ACAT2: variants seen among roughly 807,000 people sequenced by gnomAD.
ACAT2 encodes the protein acetyl-CoA acetyltransferase 2, also known as acetyl-CoA acetyltransferase, cytosolic.
In ACAT2, 26 loss-of-function variants were observed where a neutral mutation model predicts 37.1. The observed-to-expected ratio is 0.70, with a 90% confidence interval of 0.51 to 0.97. The LOEUF (loss-of-function observed/expected upper bound fraction) is 0.97, where lower values mean the gene tolerates loss of function less well. ACAT2 is among the 50% of genes least tolerant of loss of function. ACAT2 has a pLI of 0.00. For missense variants in ACAT2, 468 were observed against 489.0 expected (o/e 0.96, Z 0.40); for synonymous variants, 156 against 163.6 (o/e 0.95, Z 0.35).
At chr6:159,771,706 G>T in intron 4 of ACAT2, among the ~76,000 whole-genome samples, 1 of 151,076 alleles carries the variant, frequency 6.6e-6, no homozygotes, top group Non-Finnish European at 1.5e-5. Flanking sequence ...GAAGGAAAAT[G>T]AATTGCCTGC....
At chr6:159,763,764 C>T (rs1399197760) in intron 2 of ACAT2, among the ~76,000 whole-genome samples, 11 of 148,008 alleles carry the variant, frequency 7.4e-5, no homozygotes, top group Non-Finnish European at 1.3e-4. Context: ...CTCAGCCTCC[C>T]GAGTAGCTGG....
chr6:159,777,928 G>T (rs1365360413), intron 7 of ACAT2, among the ~76,000 whole-genome samples: 2 of 152,062 alleles, frequency 1.3e-5, no homozygotes, highest in Admixed American at 6.5e-5. Context: ...GATGCTACTG[G>T]TTCAAAATTT....
chr6:159,775,461 G>A (rs1172730195), intron 5 of ACAT2, 148 bp downstream of exon 5: 2 of 930,772 alleles, frequency 2.1e-6, no homozygotes, highest in African/African-American at 3.3e-5. Flanking sequence ...AATGTGGGGA[G>A]GGGGTATGCT....
intron 2 of ACAT2, 35 bp downstream of exon 2, chr6:159,763,088 A>T (rs778314625): frequency 1.3e-6 from 2 of 1,592,142 alleles, no homozygotes; most frequent in African/African-American, 2.7e-5. Context: ...AGTCAGGCTT[A>T]TTAGAAACAG....
At chr6:159,764,369 A>G (rs1780220104) in intron 2 of ACAT2, among the ~76,000 whole-genome samples, 1 of 152,156 alleles carries the variant, frequency 6.6e-6, no homozygotes, top group Non-Finnish European at 1.5e-5. Flanking sequence ...AGAGGAATAT[A>G]GCTGAGTCCT....
At chr6:159,778,505 TCA>T (rs1269491016) in intron 8 of ACAT2, 152 bp from the exon 9 acceptor site, 4 of 873,552 alleles carry the variant, frequency 4.6e-6, no homozygotes, top group Non-Finnish European at 1.7e-6. Context: ...GGATGAATTT[TCA>T]CAAAGGTGTA....
chr6:159,776,726 T>C (rs1780421836), intron 6 of ACAT2, among the ~76,000 whole-genome samples: 1 of 152,220 alleles, frequency 6.6e-6, no homozygotes, highest in African/African-American at 2.4e-5. Context: ...CAATACCTCC[T>C]TGTGAAGCCC....
Position 159,763,629 on chromosome 6 carries a change from CTTTTTTTTTTTTTT to C in ACAT2, c.190+591_190+604del, listed in dbSNP as rs765044833. On this transcript the variant is annotated intron_variant, in intron 2 of 8. Coordinates refer to ENST00000367048, the MANE Select transcript of ACAT2 (RefSeq NM_005891.3). Reference sequence around the variant, plus strand: ...ACCACCTACACTGCCTTTTCTTTTCCTTTTTTTTTTTTTTTTTTTTTTTTTTTTGAGACGGAGTC... The same window carrying C: ...ACCACCTACACTGCCTTTTCTTTTCCTTTTTTTTTTTTTTGAGACGGAGTC... Among the ~76,000 whole-genome samples, 57 of 76,382 alleles carry C rather than the reference CTTTTTTTTTTTTTT, an allele frequency of 7.5e-4. 1 individual carries two copies. The highest frequency in any genetic ancestry group is 3.4e-3 in the Admixed American group (17 of 5,068). 50.1% of individuals were successfully genotyped at this position (76,382 alleles called of 152,430 possible). A position where few individuals can be genotyped will look rare whatever the true frequency, so the allele number is the denominator to read the frequency against.
intron 1 of ACAT2, chr6:159,762,389 G>A: frequency 7.3e-7 from 1 of 1,377,074 alleles, no homozygotes; most frequent in Non-Finnish European, 9.5e-7. Context: ...CCGGGGTAGA[G>A]CCATCGCGTG....
chr6:159,773,755 T>C (rs1359547811), intron 4 of ACAT2, among the ~76,000 whole-genome samples: 1 of 152,132 alleles, frequency 6.6e-6, no homozygotes, highest in Non-Finnish European at 1.5e-5. Flanking sequence ...GTAATGAGAG[T>C]AATGAGTTAT....
intron 4 of ACAT2, among the ~76,000 whole-genome samples, chr6:159,774,125 A>T (rs1007655482): frequency 3.3e-5 from 5 of 152,242 alleles, no homozygotes; most frequent in African/African-American, 1.2e-4. Context: ...AATAAGACTC[A>T]CTGAGAAAAA....
In ACAT2 at chr6:159,775,320, A is replaced by G. The variant is rs778026115; in HGVS notation, c.634+7A>G. 2.5e-6 allele frequency: 4 copies of G among 1,613,850 alleles called. No individual in the cohort carries two copies. Among genetic ancestry groups the G allele is most frequent in the East Asian group, 4.5e-5 (2 of 44,890 alleles). The stretch of plus-strand genomic sequence containing the variant: ...TTGGTGTCAACTAGAAAAGGTGAGT[A>G]TATCATAGTGGTTTAAACATCAACC... On this transcript the variant is annotated splice_region_variant and intron_variant, in intron 5 of 8. Transcript: ENST00000367048.
At chr6:159,778,621 A>G in intron 8 of ACAT2, 38 bp from the exon 9 acceptor site, 1 of 1,603,388 alleles carries the variant, frequency 6.2e-7, no homozygotes, top group South Asian at 1.1e-5. Flanking sequence ...CTGTGTCCAC[A>G]GAAGAATAAA....
At chr6:159,777,513 G>A in intron 7 of ACAT2, 57 bp downstream of exon 7, 11 of 1,530,806 alleles carry the variant, frequency 7.2e-6, no homozygotes, top group Non-Finnish European at 7.1e-6. Flanking sequence ...CCTTAAGTGA[G>A]CTTATTCATG....
chr6:159,772,080 C>T (rs1382405860), intron 4 of ACAT2, among the ~76,000 whole-genome samples: 1 of 152,080 alleles, frequency 6.6e-6, no homozygotes, highest in African/African-American at 2.4e-5. Flanking sequence ...AAAAAATTAG[C>T]CAGGTGTTGC....
intron 2 of ACAT2, among the ~76,000 whole-genome samples, chr6:159,766,092 A>G (rs959967573): frequency 1.3e-5 from 2 of 152,226 alleles, no homozygotes; most frequent in African/African-American, 4.8e-5. Flanking sequence ...AACTAAAGGA[A>G]GTCCCATAGT....
chr6:159,776,225 A>T lies in ACAT2; in HGVS notation c.710A>T (p.Tyr237Phe), dbSNP rs1384343229. 1.9e-6 allele frequency: 3 copies of T among 1,614,172 alleles called. No individual in the cohort carries two copies. The highest frequency in any genetic ancestry group is 2.7e-5 in the African/African-American group (2 of 75,056). Residue 237 changes from tyrosine to phenylalanine, a missense_variant, in exon 6 of 9, where the codon TAC becomes TTC. Tyr to Phe is a conservative substitution (Grantham distance 22, BLOSUM62 3). Coordinates refer to ENST00000367048, the MANE Select transcript of ACAT2 (RefSeq NM_005891.3). The stretch of plus-strand genomic sequence containing the variant: ...GAAGCCATGTCCAAGCTAAAGCCTT[A>T]CTTTCTTACTGATGGAACGGGAACA... ...NIEAMSKLKP[Y>F]FLTDGTGTVT...
rs374955540 is a variant in ACAT2, at chr6:159,776,161, G to A, written c.646G>A (p.Val216Ile). 5 of 1,613,828 alleles carry A rather than the reference G, an allele frequency of 3.1e-6. No individual in the cohort carries two copies. The African/African-American group carries it at 5.3e-5, about 17-fold the overall frequency. The stretch of plus-strand genomic sequence containing the variant: ...TTTCCTTTGCTTAGGTCTTATTGAA[G>A]TTAAAACAGATGAGTTTCCTCGCCA... ...LVSTRKGLIE[V>I]KTDEFPRHGS... The change falls in exon 6 of 9, where the codon GTT becomes ATT. Residue 216 changes from valine (V) to isoleucine (I), a missense_variant. Physicochemically the swap from Val to Ile is conservative, Grantham distance 29 (BLOSUM62 3). Coordinates refer to ENST00000367048, the MANE Select transcript of ACAT2 (RefSeq NM_005891.3).
chr6:159,779,029 T>C lies in ACAT2; in HGVS notation c.*200T>C. On this transcript the variant is annotated 3_prime_UTR_variant, in exon 9 of 9. Transcript: ENST00000367048. ...CAATTGCATTTAACATTGTTATAAA[T>C]AAAAGGAACATCAGATCAATCATTA... 1.2e-6 allele frequency: 2 copies of C among 1,607,182 alleles called. No individual in the cohort carries two copies.
Sources: gnomAD v4.1 joint callset for allele counts (sites outside exome capture counted in the v4.1 genomes callset) on GRCh38, gnomAD v4.1.1 for gene constraint, MANE v1.5 for transcripts, NCBI Gene and HGNC (gene_info 2026-07-23, HGNC 2026-07-21) for gene names.